MRTFA: variants seen among roughly 807,000 people sequenced by gnomAD.
The protein encoded by MRTFA is myocardin-related transcription factor A.
MRTFA carries 20 observed loss-of-function variants against 83.5 expected under a neutral mutation model. The ratio of observed to expected loss-of-function variants is 0.24; its 90% confidence interval spans 0.17 to 0.35. The LOEUF (loss-of-function observed/expected upper bound fraction) is 0.35. Ranked by LOEUF, MRTFA falls within the 10% of genes least tolerant of loss-of-function variation. The pLI is 1.00. For missense variants in MRTFA, 1,200 were observed against 1,224.7 expected (o/e 0.98, Z 0.30); for synonymous variants, 659 against 541.2 (o/e 1.22, Z -3.02).
intron 3 of MRTFA, among the ~76,000 whole-genome samples, chr22:40,542,266 T>TA (rs2055304375): frequency 2.0e-5 from 3 of 152,308 alleles, no homozygotes; most frequent in Middle Eastern, 6.8e-3. Flanking sequence ...AACCACTACT[T>TA]ATGCTTTGGA....
At chr22:40,498,576 TC>T (rs941980048) in intron 3 of MRTFA, among the ~76,000 whole-genome samples, 37 of 152,034 alleles carry the variant, frequency 2.4e-4, no homozygotes, top group African/African-American at 8.7e-4. Context: ...TGAGCCACTG[TC>T]CCCAGCCTCA....
At chr22:40,588,201 G>A (rs747789465) in intron 2 of MRTFA, among the ~76,000 whole-genome samples, 1 of 151,930 alleles carries the variant, frequency 6.6e-6, no homozygotes. Context: ...GATAATTTTT[G>A]TATTTTTAGT....
chr22:40,508,489 G>A (rs1216869262), intron 3 of MRTFA, among the ~76,000 whole-genome samples: 3 of 122,696 alleles, frequency 2.4e-5, no homozygotes, highest in African/African-American at 9.3e-5. Context: ...TCCGGCCTGG[G>A]CAACAGAGAC....
chr22:40,635,836 CAGCT>C (rs1465694689), intron 1 of MRTFA, among the ~76,000 whole-genome samples: 5 of 152,220 alleles, frequency 3.3e-5, no homozygotes, highest in Non-Finnish European at 1.5e-5. Context: ...CAAGATTACA[CAGCT>C]AGCAAGTGGC....
intron 3 of MRTFA, among the ~76,000 whole-genome samples, chr22:40,492,653 A>G (rs1278674476): frequency 6.6e-6 from 1 of 152,182 alleles, no homozygotes; most frequent in Non-Finnish European, 1.5e-5. Flanking sequence ...TGCACCCAAA[A>G]TGGAACAAGG....
chr22:40,412,169 G>C (rs913295997), intron 14 of MRTFA: 23 of 312,314 alleles, frequency 7.4e-5, no homozygotes, highest in African/African-American at 4.7e-4. Context: ...TCAAGAATAG[G>C]TAAAAGAAAG....
rs1333437382 is a variant in MRTFA at position 40,499,931 on chromosome 22, T to C, written c.242-36645A>G. ...AAGTAGACCTTTTTTTTTTTTTTTTTTTTTTTTTGAGACCGAGTCTCACTC... is the reference window on the plus strand; with the variant it reads ...AAGTAGACCTTTTTTTTTTTTTTTTCTTTTTTTTGAGACCGAGTCTCACTC... On this transcript the variant is annotated intron_variant, in intron 3 of 14. Transcript: ENST00000355630. 2.7e-5 allele frequency among the ~76,000 whole-genome samples: 4 copies of C among 145,462 alleles called. 1 individual carries two copies. Among genetic ancestry groups the C allele is most frequent in the South Asian group, 4.5e-4 (2 of 4,404 alleles).
chr22:40,453,720 AT>A lies in MRTFA; in HGVS notation c.307+9500del, dbSNP rs1328718075. 7.2e-5 allele frequency among the ~76,000 whole-genome samples: 11 copies of A among 152,148 alleles called. No homozygotes were observed. The South Asian group carries it at 2.3e-3, about 32-fold the overall frequency. On this transcript the variant is annotated intron_variant, in intron 4 of 14. Transcript: ENST00000355630. ...AAGTGCTATTTTCTTGAAACCTACA[AT>A]TTTAGTTAAAAAAAAAAATTGTTAA...
At chr22:40,570,723 A>C (rs1212930305) in intron 2 of MRTFA, among the ~76,000 whole-genome samples, 15 of 152,004 alleles carry the variant, frequency 9.9e-5, no homozygotes, top group Non-Finnish European at 1.5e-5. Context: ...CATGTTGAGA[A>C]TAGCAAGGCA....
Position 40,423,670 on chromosome 22 carries a change from G to C in MRTFA, c.793C>G (p.Pro265Ala). 1 of 1,570,386 alleles carries C rather than the reference G, an allele frequency of 6.4e-7. No individual in the cohort carries two copies. The highest frequency in any genetic ancestry group is 1.4e-5 in the African/African-American group (1 of 73,716). The change falls in exon 9 of 15, where the codon CCG becomes GCG. Residue 265 changes from proline to alanine, a missense_variant. Pro to Ala is a conservative substitution (Grantham distance 27, BLOSUM62 -1). Around this residue, in one of 2 missense-constraint regions of MRTFA, gnomAD observed 1,107 missense variants for 1,041.8 expected, o/e 1.06. Coordinates refer to ENST00000355630, the MANE Select transcript of MRTFA (RefSeq NM_020831.6). ...ATTTCTCTGGAATCCCGGCCCATCG[G>C]AAGTTGAGACACAACCTGAGAGGGA...
At chr22:40,594,441 A>T (rs1303479442) in intron 2 of MRTFA, among the ~76,000 whole-genome samples, 1 of 152,240 alleles carries the variant, frequency 6.6e-6, no homozygotes, top group Non-Finnish European at 1.5e-5. Flanking sequence ...CCAAAATTTT[A>T]CATTGGTTAT....
At chr22:40,450,639 G>A (rs2053469732) in intron 4 of MRTFA, among the ~76,000 whole-genome samples, 2 of 147,312 alleles carry the variant, frequency 1.4e-5, no homozygotes, top group African/African-American at 5.0e-5. Context: ...TTTTTTTAAA[G>A]TAGAAACAGG....
At chr22:40,498,280 T>TATATATATATATATAAATATA (rs1602339571) in intron 3 of MRTFA, among the ~76,000 whole-genome samples, 1 of 100,378 alleles carries the variant, frequency 1.0e-5, no homozygotes, top group Non-Finnish European at 2.1e-5. Context: ...TATATTTTTT[T>TATATATATATATATAAATATA]TTTTTTTTTT....
chr22:40,501,921 A>C (rs1421692870), intron 3 of MRTFA, among the ~76,000 whole-genome samples: 1 of 69,412 alleles, frequency 1.4e-5, no homozygotes, highest in Admixed American at 1.2e-4. Context: ...ACTTCCCAGT[A>C]GGGGCGGCTG....
intron 7 of MRTFA, among the ~76,000 whole-genome samples, chr22:40,425,590 T>C (rs1321052118): frequency 6.6e-6 from 1 of 152,198 alleles, no homozygotes; most frequent in Non-Finnish European, 1.5e-5. Context: ...GCGACTGTGG[T>C]GGTGGCTTGC....
intron 12 of MRTFA, 22 bp from the exon 13 acceptor site, chr22:40,417,515 G>A (rs533132558): frequency 7.5e-6 from 10 of 1,331,602 alleles, no homozygotes; most frequent in Non-Finnish European, 8.9e-6. Flanking sequence ...AGCAGGGAGA[G>A]GACCAGTGGC....
chr22:40,480,902 A>C (rs1164582686), intron 3 of MRTFA, among the ~76,000 whole-genome samples: 2 of 151,842 alleles, frequency 1.3e-5, no homozygotes, highest in Non-Finnish European at 2.9e-5. Flanking sequence ...GCATGAGCCA[A>C]CATGCCCGGC....
intron 6 of MRTFA, among the ~76,000 whole-genome samples, chr22:40,429,980 C>A (rs1285330624): frequency 6.6e-6 from 1 of 152,074 alleles, no homozygotes; most frequent in Non-Finnish European, 1.5e-5. Flanking sequence ...CAGTCACACA[C>A]AATTATAACC....
chr22:40,631,785 A>T (rs1053169811), intron 1 of MRTFA, among the ~76,000 whole-genome samples: 1 of 152,234 alleles, frequency 6.6e-6, no homozygotes, highest in Non-Finnish European at 1.5e-5. Flanking sequence ...CACAATAAAT[A>T]TTTATAAATA....
Sources: gnomAD v4.1 joint callset for allele counts (sites outside exome capture counted in the v4.1 genomes callset) on GRCh38, gnomAD v4.1.1 for gene constraint, gnomAD v4.1.1 regional missense constraint, MANE v1.5 for transcripts, NCBI Gene and HGNC (gene_info 2026-07-23, HGNC 2026-07-21) for gene names.